The following BAZ2B variants were observed in gnomAD, a reference collection of about 807,000 sequenced individuals.
BAZ2B encodes bromodomain adjacent to zinc finger domain protein 2B.
A neutral mutation model predicts 246.0 loss-of-function variants in BAZ2B; 91 were observed. The observed-to-expected ratio is 0.37, with a 90% confidence interval of 0.31 to 0.44. The LOEUF (loss-of-function observed/expected upper bound fraction) is 0.44, where lower values mean the gene tolerates loss of function less well. Among genes scored for constraint, BAZ2B ranks in the 20% least tolerant of loss-of-function variants. The probability of loss-of-function intolerance (pLI) is 1.00; values close to 1 mark genes in which losing one functional copy is unlikely to be tolerated. For synonymous variants in BAZ2B, 855 were observed against 860.0 expected, an observed-to-expected ratio of 0.99 and a Z score of 0.10; for missense variants, 2,332 against 2,533.7, an observed-to-expected ratio of 0.92 and a Z score of 1.71.
At chr2:159,610,389 T>A (rs1387683507) in intron 1 of BAZ2B, among the ~76,000 whole-genome samples, 2 of 152,226 alleles carry the variant, frequency 1.3e-5, no homozygotes, top group African/African-American at 4.8e-5. Context: ...AGAGCTTCAG[T>A]ACACCGTTCT....
the BAZ2B span, among the ~76,000 whole-genome samples, chr2:159,642,238 C>CTTTTTTTTTTTTTTTT: frequency 7.6e-6 from 1 of 131,728 alleles, no homozygotes; most frequent in African/African-American, 2.8e-5. Context: ...TTCTTTCTTT[C>CTTTTTTTTTTTTTTTT]TTTTTTTTTT....
At position 159,349,816 on chromosome 2, in the gene BAZ2B, A is replaced by G. The variant is rs201708161; in HGVS notation, c.4755T>C (p.Thr1585=). The change falls in exon 28 of 37, where the codon ACT becomes ACC. Residue 1585 remains threonine (T), a synonymous_variant. Transcript: ENST00000392783. The part of the protein sequence containing the change: ...HADMSTASLV[T]PQSQPPSKSP... The stretch of plus-strand genomic sequence containing the variant: ...ACTTAGATGGTGGCTGAGACTGAGG[A>G]GTCACCAAAGAAGCAGTTGACATAT... 6.2e-7 allele frequency: 1 copy of G among 1,614,182 alleles called. No individual in the cohort carries two copies. Among genetic ancestry groups the G allele is most frequent in the East Asian group, 2.2e-5 (1 of 44,890 alleles).
At chr2:159,506,668 C>A (rs1014774853) in intron 2 of BAZ2B, among the ~76,000 whole-genome samples, 2 of 152,120 alleles carry the variant, frequency 1.3e-5, no homozygotes, top group African/African-American at 4.8e-5. Context: ...AGAAAGCCTG[C>A]GTTTCAGAAA....
At chr2:159,538,714 A>G (rs969022040) in intron 2 of BAZ2B, among the ~76,000 whole-genome samples, 2 of 152,248 alleles carry the variant, frequency 1.3e-5, no homozygotes, top group African/African-American at 2.4e-5. Flanking sequence ...TCCTTTGTTT[A>G]TAATCATACA....
At chr2:159,375,029 A>G (rs1471239734) in intron 25 of BAZ2B, among the ~76,000 whole-genome samples, 1 of 152,144 alleles carries the variant, frequency 6.6e-6, no homozygotes. Flanking sequence ...CAGCCTGGAC[A>G]TCATAGTCAG....
intron 1 of BAZ2B, among the ~76,000 whole-genome samples, chr2:159,566,342 G>C (rs2151532375): frequency 6.6e-6 from 1 of 152,268 alleles, no homozygotes; most frequent in Admixed American, 6.5e-5. Flanking sequence ...TGACAGCAAT[G>C]TCCTTCTAAG....
Position 159,432,798 on chromosome 2 carries a change from T to G in BAZ2B, c.1859A>C (p.Glu620Ala). 1 of 1,613,662 alleles carries G rather than the reference T, an allele frequency of 6.2e-7. No homozygotes were observed. The highest frequency in any genetic ancestry group is 8.5e-7 in the Non-Finnish European group (1 of 1,179,640). ...DEEEDDEEED[E>A]EDDEDDESDD... is the part of the protein sequence containing the mutation. ...AGATTCATCATCTTCATCATCTTCC[T>G]CATCTTCTTCTTCATCATCTTCCTC... The change falls in exon 9 of 37, where the codon GAG becomes GCG. Residue 620 changes from glutamate (E) to alanine (A), a missense_variant. By Grantham distance (107) the Glu-to-Ala change is moderately radical. Transcript: ENST00000392783.
chr2:159,569,380 C>G (rs1683391125), intron 1 of BAZ2B, among the ~76,000 whole-genome samples: 1 of 152,006 alleles, frequency 6.6e-6, no homozygotes, highest in South Asian at 2.1e-4. Context: ...TCTGTTCTTC[C>G]TTTCCTTATA....
At chr2:159,435,067 T>G (rs967605600) in intron 8 of BAZ2B, 1 of 151,954 alleles carries the variant, frequency 6.6e-6, no homozygotes, top group East Asian at 1.9e-4. Flanking sequence ...ATGATTGCCT[T>G]GAAATTAAAA....
rs1158791483 is a variant in BAZ2B, at chr2:159,332,639, A to G, written c.5844T>C (p.Leu1948=). The change falls in exon 34 of 37, where the codon CTT becomes CTC. Residue 1948 remains leucine, a synonymous_variant. Coordinates refer to ENST00000392783, the MANE Select transcript of BAZ2B (RefSeq NM_013450.4). ...RKGDNEELLL[L]CDGCDKGCHT... ...GACAGCCTTTGTCACAGCCATCACAAAGAAGAAGCAGTTCTTCATTATCTC... is the reference window on the plus strand; with the variant it reads ...GACAGCCTTTGTCACAGCCATCACAGAGAAGAAGCAGTTCTTCATTATCTC... 6.2e-7 allele frequency: 1 copy of G among 1,613,962 alleles called. No individual in the cohort carries two copies. Among genetic ancestry groups the G allele is most frequent in the East Asian group, 2.2e-5 (1 of 44,886 alleles).
the BAZ2B span, among the ~76,000 whole-genome samples, chr2:159,637,197 G>GT: frequency 6.6e-6 from 1 of 152,150 alleles, no homozygotes; most frequent in African/African-American, 2.4e-5. Context: ...TGCACCTTAG[G>GT]TACCAGCTTG....
At chr2:159,370,969 C>T (rs867407570) in intron 27 of BAZ2B, among the ~76,000 whole-genome samples, 8 of 152,036 alleles carry the variant, frequency 5.3e-5, no homozygotes, top group African/African-American at 1.4e-4. Flanking sequence ...CCACACCCGG[C>T]TAATTTTTTT....
chr2:159,464,477 C>T (rs747534131), intron 3 of BAZ2B: 2 of 152,018 alleles, frequency 1.3e-5, no homozygotes, highest in African/African-American at 2.4e-5. Flanking sequence ...TATCTAGGGC[C>T]CATAATGTTG....
intron 2 of BAZ2B, among the ~76,000 whole-genome samples, chr2:159,504,795 T>G (rs1180813843): frequency 6.6e-6 from 1 of 152,182 alleles, no homozygotes; most frequent in Non-Finnish European, 1.5e-5. Context: ...AAGATAATTT[T>G]TATATAAATA....
At chr2:159,669,327 T>A in the BAZ2B span, among the ~76,000 whole-genome samples, 1 of 152,224 alleles carries the variant, frequency 6.6e-6, no homozygotes, top group Non-Finnish European at 1.5e-5. Flanking sequence ...TCATTCCTTT[T>A]AAGTTTGTTG....
chr2:159,423,346 A>G (rs1382178419), intron 13 of BAZ2B, among the ~76,000 whole-genome samples: 1 of 105,944 alleles, frequency 9.4e-6, no homozygotes, highest in African/African-American at 3.0e-5. Flanking sequence ...AATGGCTATT[A>G]TTAAAATGTC....
intron 2 of BAZ2B, among the ~76,000 whole-genome samples, chr2:159,514,850 AAT>A (rs1429131807): frequency 2.0e-5 from 3 of 152,272 alleles, no homozygotes; most frequent in East Asian, 1.9e-4. Flanking sequence ...TATAAATTAA[AAT>A]AGAGGCACTA....
intron 2 of BAZ2B, among the ~76,000 whole-genome samples, chr2:159,524,127 A>C (rs2084459119): frequency 6.6e-6 from 1 of 152,196 alleles, no homozygotes; most frequent in Non-Finnish European, 1.5e-5. Context: ...GAAGAAGCCC[A>C]GTATGTGCTC....
intron 25 of BAZ2B, among the ~76,000 whole-genome samples, chr2:159,377,918 T>C (rs1350331058): frequency 6.6e-6 from 1 of 151,992 alleles, no homozygotes; most frequent in African/African-American, 2.4e-5. Flanking sequence ...ATAAAATGTA[T>C]GGTTTGTTAG....
Sources: allele counts gnomAD v4.1 joint callset (sites outside exome capture counted in the v4.1 genomes callset), GRCh38; gene constraint gnomAD v4.1.1; transcripts MANE v1.5; gene names NCBI Gene and HGNC (gene_info 2026-07-23, HGNC 2026-07-21).